Variants in MYO16 observed in about 807,000 individuals in gnomAD.
MYO16 encodes the protein unconventional myosin-XVI.
MYO16 carries 94 observed loss-of-function variants against 205.3 expected under a neutral mutation model. The observed-to-expected ratio is 0.46, with a 90% CI of 0.39 to 0.54. MYO16 has a LOEUF of 0.54. Among genes scored for constraint, MYO16 ranks in the 20% least tolerant of loss-of-function variants. MYO16 has a pLI of 0.00. For synonymous variants in MYO16, 988 were observed against 954.0 expected, an observed-to-expected ratio of 1.04 and a Z score of -0.66; for missense variants, 2,315 against 2,387.5, an observed-to-expected ratio of 0.97 and a Z score of 0.63.
intron 3 of MYO16, among the ~76,000 whole-genome samples, chr13:108,721,306 T>C (rs1341527042): frequency 1.3e-5 from 2 of 152,186 alleles, no homozygotes; most frequent in Non-Finnish European, 2.9e-5. Flanking sequence ...GGAGGCAGAA[T>C]GAGGTATTGT....
chr13:108,599,747 C>G (rs1594134669), intron 1 of MYO16, among the ~76,000 whole-genome samples: 1 of 152,146 alleles, frequency 6.6e-6, no homozygotes, highest in African/African-American at 2.4e-5. Context: ...CTCTAAATTA[C>G]TCCTCCACCA....
At chr13:109,007,069 G>A (rs1335826537) in intron 21 of MYO16, among the ~76,000 whole-genome samples, 1 of 152,166 alleles carries the variant, frequency 6.6e-6, no homozygotes, top group African/African-American at 2.4e-5. Flanking sequence ...AAACAAATGT[G>A]AGAGTTGAAC....
intron 3 of MYO16, among the ~76,000 whole-genome samples, chr13:108,727,046 A>T (rs1048125901): frequency 6.6e-6 from 1 of 151,238 alleles, no homozygotes; most frequent in Non-Finnish European, 1.5e-5. Context: ...TTCTTTTGAC[A>T]GTGACAAAGG....
intron 34 of MYO16, among the ~76,000 whole-genome samples, chr13:109,180,654 A>G (rs902228274): frequency 2.0e-5 from 3 of 152,248 alleles, no homozygotes; most frequent in African/African-American, 7.2e-5. Context: ...AATAACACTG[A>G]TGAGGTAGTG....
At chr13:109,124,331 A>G (rs746684081) in intron 29 of MYO16, among the ~76,000 whole-genome samples, 7 of 152,166 alleles carry the variant, frequency 4.6e-5, no homozygotes, top group Non-Finnish European at 8.8e-5. Flanking sequence ...CCCGGGCTCT[A>G]CTATTCCTTG....
At chr13:108,577,991 T>C in the MYO16 span, among the ~76,000 whole-genome samples, 9 of 152,310 alleles carry the variant, frequency 5.9e-5, no homozygotes, top group East Asian at 1.4e-3. Context: ...ACTACGCAAG[T>C]ATATATTGTG....
chr13:108,878,330 G>A (rs1014373793), intron 12 of MYO16, among the ~76,000 whole-genome samples: 10 of 152,130 alleles, frequency 6.6e-5, no homozygotes, highest in Non-Finnish European at 1.3e-4. Flanking sequence ...TGGCAGAGAA[G>A]GAGAGAAGAG....
At chr13:108,599,176 A>AT (rs1398122902) in intron 1 of MYO16, among the ~76,000 whole-genome samples, 3 of 150,906 alleles carry the variant, frequency 2.0e-5, no homozygotes, top group African/African-American at 7.3e-5. Context: ...TGAACTCATC[A>AT]TTTTTTATGG....
At chr13:108,544,287 T>G in the MYO16 span, among the ~76,000 whole-genome samples, 1 of 152,166 alleles carries the variant, frequency 6.6e-6, no homozygotes, top group East Asian at 1.9e-4. Context: ...CACCAGATGT[T>G]GTCCAATCAC....
At chr13:108,886,444 G>A in intron 13 of MYO16, 1 of 456,246 alleles carries the variant, frequency 2.2e-6, no homozygotes, top group South Asian at 1.5e-5. Flanking sequence ...GGAAAAATGA[G>A]GCGTGCGGAC....
intron 5 of MYO16, among the ~76,000 whole-genome samples, chr13:108,786,201 C>T (rs1236867641): frequency 1.3e-5 from 2 of 152,284 alleles, no homozygotes; most frequent in East Asian, 3.9e-4. Context: ...GCAAATCGAC[C>T]CTTTGTGACA....
chr13:109,155,104 A>G (rs980517788), intron 32 of MYO16, among the ~76,000 whole-genome samples: 1 of 152,104 alleles, frequency 6.6e-6, no homozygotes, highest in African/African-American at 2.4e-5. Flanking sequence ...ATTTATACTG[A>G]CAGTCATTTT....
intron 33 of MYO16, among the ~76,000 whole-genome samples, chr13:109,169,482 T>C (rs1395705099): frequency 1.3e-5 from 2 of 152,002 alleles, no homozygotes; most frequent in African/African-American, 4.8e-5. Flanking sequence ...GATAGAGAAA[T>C]AGAGAAAATT....
chr13:108,908,801 C>G (rs1408275003), intron 15 of MYO16, among the ~76,000 whole-genome samples: 1 of 151,798 alleles, frequency 6.6e-6, no homozygotes, highest in Non-Finnish European at 1.5e-5. Context: ...TGGCAAAAGC[C>G]TGTCTCTACT....
At chr13:108,909,091 A>G (rs1164272852) in intron 15 of MYO16, among the ~76,000 whole-genome samples, 5 of 152,124 alleles carry the variant, frequency 3.3e-5, no homozygotes, top group African/African-American at 1.2e-4. Flanking sequence ...ATGCTCCAGA[A>G]ACAATGAAAT....
chr13:109,169,622 A>G (rs1226059592), intron 33 of MYO16, among the ~76,000 whole-genome samples: 1 of 125,512 alleles, frequency 8.0e-6, no homozygotes, highest in Admixed American at 8.0e-5. Flanking sequence ...AAACAAATAC[A>G]TTCTTAAAAA....
chr13:108,851,835 T>C (rs1350756963), intron 10 of MYO16, among the ~76,000 whole-genome samples: 1 of 152,170 alleles, frequency 6.6e-6, no homozygotes, highest in African/African-American at 2.4e-5. Flanking sequence ...GTGGTCCCCA[T>C]GCTCAGTCCC....
In MYO16 at chr13:108,971,349, T is replaced by TTATA. The variant is rs60564701; in HGVS notation, c.2369+6470_2369+6473dup. ...GAATAAAATGGTGTGTGTGTGTTGA[T>TTATA]TATATATATATATATATATATATAT... On this transcript the variant is annotated intron_variant, in intron 20 of 34. Transcript: ENST00000457511. 7.1e-3 allele frequency among the ~76,000 whole-genome samples: 1,025 copies of TTATA among 144,250 alleles called. 10 individuals are homozygous for TTATA. The highest frequency in any genetic ancestry group is 0.018 in the Middle Eastern group (5 of 274). The allele number at this position is 144,250 out of a possible 152,430, so 94.6% of individuals were successfully genotyped here.
chr13:108,529,842 G>A, the MYO16 span, among the ~76,000 whole-genome samples: 3 of 152,162 alleles, frequency 2.0e-5, no homozygotes, highest in Admixed American at 6.5e-5. Context: ...TGTGACTTCA[G>A]CTAAGTTGAT....
Sources: allele counts gnomAD v4.1 joint callset (sites outside exome capture counted in the v4.1 genomes callset), GRCh38; gene constraint gnomAD v4.1.1; transcripts MANE v1.5; gene names NCBI Gene and HGNC (gene_info 2026-07-23, HGNC 2026-07-21).